The following CNOT6L variants were observed in gnomAD, a reference collection of about 807,000 sequenced individuals.
The protein encoded by CNOT6L is CCR4-NOT transcription complex subunit 6-like.
CNOT6L carries 7 observed loss-of-function variants against 64.0 expected under a neutral mutation model. That is an observed-to-expected ratio of 0.11 (90% CI 0.06 to 0.21). The LOEUF (loss-of-function observed/expected upper bound fraction) is 0.21, where lower values mean the gene tolerates loss of function less well. CNOT6L is among the 10% of genes least tolerant of loss of function. The pLI, the probability that CNOT6L is intolerant of heterozygous loss-of-function variation, is 1.00. For synonymous variants in CNOT6L, 193 were observed against 243.4 expected, an observed-to-expected ratio of 0.79 and a Z score of 1.93; for missense variants, 245 against 669.0, an observed-to-expected ratio of 0.37 and a Z score of 6.99.
intron 4 of CNOT6L, among the ~76,000 whole-genome samples, chr4:77,760,860 C>CTTTTTTT (rs754195745): frequency 0.022 from 647 of 29,970 alleles, 150 homozygotes; most frequent in Non-Finnish European, 0.028. Context: ...CCATGCCTGG[C>CTTTTTTT]TTTTTTTTTT....
In CNOT6L at chr4:77,728,861, T is replaced by C; in HGVS notation, c.1245A>G (p.Pro415=). Residue 415 remains proline (P), a synonymous_variant, in exon 10 of 12, where the codon CCA becomes CCG. Transcript: ENST00000504123. The part of the protein sequence containing the change: ...LVLCADLNSL[P]DSGVVEYLSN... ...AAATGATATTATAAATACCTGAATCTGGCAATGAGTTAAGATCTGCACATA... is the reference window on the plus strand; with the variant it reads ...AAATGATATTATAAATACCTGAATCCGGCAATGAGTTAAGATCTGCACATA... 1 of 1,612,370 alleles carries C rather than the reference T, an allele frequency of 6.2e-7. No homozygotes were observed. Among genetic ancestry groups the C allele is most frequent in the Non-Finnish European group, 8.5e-7 (1 of 1,178,512 alleles).
intron 1 of CNOT6L, among the ~76,000 whole-genome samples, chr4:77,813,160 G>A (rs762551009): frequency 1.3e-5 from 2 of 152,106 alleles, no homozygotes; most frequent in Non-Finnish European, 2.9e-5. Context: ...AGAGATATTA[G>A]ACTTCTACAA....
chr4:77,727,280 C>T (rs1221855503), intron 10 of CNOT6L, among the ~76,000 whole-genome samples: 2 of 152,012 alleles, frequency 1.3e-5, no homozygotes, highest in African/African-American at 2.4e-5. Context: ...AAGAACTAGG[C>T]TGGGTGCGGT....
At chr4:77,721,639 C>CA (rs1721287475) in intron 11 of CNOT6L, among the ~76,000 whole-genome samples, 1 of 152,134 alleles carries the variant, frequency 6.6e-6, no homozygotes, top group Non-Finnish European at 1.5e-5. Flanking sequence ...TGTTGATTTT[C>CA]ATTTGACCAA....
chr4:77,783,166 A>AAC (rs1553895262), intron 1 of CNOT6L, among the ~76,000 whole-genome samples: 1 of 151,676 alleles, frequency 6.6e-6, no homozygotes, highest in Non-Finnish European at 1.5e-5. Flanking sequence ...AAAAAAAAAA[A>AAC]AAAACACATG....
intron 5 of CNOT6L, among the ~76,000 whole-genome samples, chr4:77,749,125 TTATC>T (rs1724554487): frequency 6.6e-6 from 1 of 152,206 alleles, no homozygotes; most frequent in Non-Finnish European, 1.5e-5. Flanking sequence ...CACTCCATCT[TTATC>T]TAGCCACAGA....
intron 1 of CNOT6L, among the ~76,000 whole-genome samples, chr4:77,810,627 T>A (rs1732820367): frequency 6.6e-6 from 1 of 152,186 alleles, no homozygotes; most frequent in Non-Finnish European, 1.5e-5. Flanking sequence ...CTCAAACATG[T>A]ATCATTTCTT....
chr4:77,743,258 C>G (rs1723792751), intron 7 of CNOT6L, among the ~76,000 whole-genome samples: 1 of 151,912 alleles, frequency 6.6e-6, no homozygotes, highest in Non-Finnish European at 1.5e-5. Context: ...TATAGCATTG[C>G]TTTTATAATA....
At position 77,719,234 on chromosome 4, in the gene CNOT6L, C is replaced by T. The variant is rs1467383914; in HGVS notation, c.*1197G>A. ...ATTCCAACATACCTAAAGGCATCAA[C>T]AATTGGGAATAAACCAGTAGCTTCT... On this transcript the variant is annotated 3_prime_UTR_variant, in exon 12 of 12. Transcript: ENST00000504123. 1.3e-5 allele frequency: 2 copies of T among 152,556 alleles called. No homozygotes were observed. Among genetic ancestry groups the T allele is most frequent in the African/African-American group, 2.4e-5 (1 of 41,428 alleles). 9.5% of individuals were successfully genotyped at this position (152,556 alleles called of 1,614,324 possible).
At chr4:77,775,725 A>G (rs2030463) in intron 2 of CNOT6L, among the ~76,000 whole-genome samples, 119,658 of 152,036 alleles carry the variant, frequency 0.79, 47,947 homozygotes, top group Non-Finnish European at 0.86. Flanking sequence ...TTACATGACC[A>G]TGACAATTTT....
At chr4:77,794,316 A>G (rs1031429114) in intron 1 of CNOT6L, among the ~76,000 whole-genome samples, 1 of 152,122 alleles carries the variant, frequency 6.6e-6, no homozygotes, top group Non-Finnish European at 1.5e-5. Context: ...CCCTAATATC[A>G]AATGAAACAA....
chr4:77,761,331 T>C lies in CNOT6L; in HGVS notation c.401-4380A>G, dbSNP rs187192479. Among the ~76,000 whole-genome samples the C allele has an allele frequency of 1.4e-3, 214 of 152,170 alleles. 1 individual carries two copies. Among genetic ancestry groups the C allele is most frequent in the Middle Eastern group, 3.4e-3 (1 of 294 alleles). Reference sequence around the variant, plus strand: ...CTGCAGGAGAAAGCTGACATGGCTATAGGGGAAAAAAAGAAAAAGGTGGGA... The same window carrying C: ...CTGCAGGAGAAAGCTGACATGGCTACAGGGGAAAAAAAGAAAAAGGTGGGA... On this transcript the variant is annotated intron_variant, in intron 4 of 11. Coordinates refer to ENST00000504123, the MANE Select transcript of CNOT6L (RefSeq NM_144571.3).
chr4:77,726,274 T>G lies in CNOT6L; in HGVS notation c.1348A>C (p.Asn450His). The G allele has an allele frequency of 6.2e-7, 1 of 1,613,854 alleles. No homozygotes were observed. Among genetic ancestry groups the G allele is most frequent in the Non-Finnish European group, 8.5e-7 (1 of 1,179,766 alleles). ...CCTTCTGAGCTTCCATTCTTTCCATTGCAGCTGAAGTTCATAAGACACTCA... is the reference window on the plus strand; with the variant it reads ...CCTTCTGAGCTTCCATTCTTTCCATGGCAGCTGAAGTTCATAAGACACTCA... The part of the protein sequence containing the change: ...YNECLMNFSC[N>H]GKNGSSEGRI... The change falls in exon 11 of 12, where the codon AAT (asparagine) becomes CAT (histidine). Residue 450 changes from asparagine to histidine, a missense_variant. By Grantham distance (68) the Asn-to-His change is moderately conservative. This residue lies in a region of CNOT6L where 20 missense variants were observed against 38.3 expected (regional missense o/e 0.52). Coordinates refer to ENST00000504123, the MANE Select transcript of CNOT6L (RefSeq NM_144571.3).
chr4:77,753,186 T>C (rs990915364), intron 5 of CNOT6L, among the ~76,000 whole-genome samples: 2 of 115,654 alleles, frequency 1.7e-5, no homozygotes, highest in African/African-American at 6.0e-5. Flanking sequence ...TAAAACTTCC[T>C]ACCAGAAAAA....
At chr4:77,734,450 G>A (rs770485427) in intron 8 of CNOT6L, among the ~76,000 whole-genome samples, 6 of 152,086 alleles carry the variant, frequency 3.9e-5, no homozygotes, top group Non-Finnish European at 5.9e-5. Flanking sequence ...TTGATGACTG[G>A]ATTATAGTCC....
At chr4:77,764,952 T>C (rs866917633) in intron 4 of CNOT6L, among the ~76,000 whole-genome samples, 2 of 152,138 alleles carry the variant, frequency 1.3e-5, no homozygotes, top group Non-Finnish European at 1.5e-5. Context: ...GAGTAGGGGC[T>C]GGGTAAAATA....
At chr4:77,721,677 C>G (rs1180880340) in intron 11 of CNOT6L, among the ~76,000 whole-genome samples, 1 of 152,150 alleles carries the variant, frequency 6.6e-6, no homozygotes, top group African/African-American at 2.4e-5. Context: ...TGTTCCTCTT[C>G]TAAGAGACAA....
chr4:77,814,793 G>C (rs1733373918), intron 1 of CNOT6L, among the ~76,000 whole-genome samples: 1 of 152,178 alleles, frequency 6.6e-6, no homozygotes, highest in South Asian at 2.1e-4. Flanking sequence ...ACACAGAGCT[G>C]AAGTTTCACA....
At chr4:77,815,031 T>C (rs1349679152) in intron 1 of CNOT6L, among the ~76,000 whole-genome samples, 2 of 152,194 alleles carry the variant, frequency 1.3e-5, no homozygotes, top group African/African-American at 4.8e-5. Context: ...TTAATTTTAA[T>C]AACTTTAGAA....
Sources: allele counts gnomAD v4.1 joint callset (sites outside exome capture counted in the v4.1 genomes callset), GRCh38; gene constraint gnomAD v4.1.1; regional missense constraint gnomAD v4.1.1; transcripts MANE v1.5; gene names NCBI Gene and HGNC (gene_info 2026-07-23, HGNC 2026-07-21).